The following PAX3 variants were observed in gnomAD, a reference collection of about 807,000 sequenced individuals.
PAX3 encodes the protein paired box 3.
A neutral mutation model predicts 51.6 loss-of-function variants in PAX3; 14 were observed. The observed-to-expected ratio is 0.27, with a 90% CI of 0.18 to 0.42. The LOEUF is 0.42. Among genes scored for constraint, PAX3 ranks in the 10% least tolerant of loss-of-function variants. PAX3 has a pLI of 1.00. For missense variants in PAX3, 540 were observed against 642.8 expected, an observed-to-expected ratio of 0.84 and a Z score of 1.73; for synonymous variants, 280 against 253.4, an observed-to-expected ratio of 1.11 and a Z score of -1.00.
intron 4 of PAX3, among the ~76,000 whole-genome samples, chr2:222,293,200 C>T (rs1198287301): frequency 1.3e-5 from 2 of 152,174 alleles, no homozygotes; most frequent in African/African-American, 2.4e-5. Context: ...ATGAGTGGGA[C>T]CCCTGGCCAC....
At chr2:222,265,136 G>T (rs1693997509) in intron 4 of PAX3, 1 of 152,162 alleles carries the variant, frequency 6.6e-6, no homozygotes, top group Admixed American at 6.5e-5. Flanking sequence ...CTGGAAAAGA[G>T]AGAATATATC....
intron 4 of PAX3, among the ~76,000 whole-genome samples, chr2:222,243,515 G>C (rs1467821757): frequency 1.3e-5 from 2 of 152,220 alleles, no homozygotes; most frequent in Non-Finnish European, 2.9e-5. Context: ...GCAAAAGAAA[G>C]TGTCAGTGTA....
In PAX3 at chr2:222,280,636, A is replaced by G. The variant is rs1045518578; in HGVS notation, c.586+13531T>C. ...GATGAGATGGTCATCCCACTTATCC[A>G]TTGGTTTTATGCTCAGGAATGCCCC... On this transcript the variant is annotated intron_variant, in intron 4 of 8. Transcript: ENST00000392070. 6.7e-4 allele frequency among the ~76,000 whole-genome samples: 102 copies of G among 152,270 alleles called. No individual in the cohort carries two copies. In the Middle Eastern group the frequency reaches 0.017, roughly 25 times the overall value.
chr2:222,293,447 T>C (rs1206507068), intron 4 of PAX3, among the ~76,000 whole-genome samples: 2 of 152,120 alleles, frequency 1.3e-5, no homozygotes, highest in Non-Finnish European at 2.9e-5. Context: ...ATTTTTTTTC[T>C]TAGTGCCGAC....
At chr2:222,291,303 G>C (rs941044152) in intron 4 of PAX3, among the ~76,000 whole-genome samples, 5 of 152,208 alleles carry the variant, frequency 3.3e-5, no homozygotes, top group Non-Finnish European at 7.3e-5. Context: ...GGCGGGGTTC[G>C]TGTTAGTGAA....
chr2:222,264,362 T>C (rs1451347376), intron 4 of PAX3: 1 of 152,208 alleles, frequency 6.6e-6, no homozygotes, highest in Admixed American at 6.5e-5. Context: ...AGAGATAAAA[T>C]GCAGATTGAT....
At chr2:222,253,421 G>A (rs1270600864) in intron 4 of PAX3, among the ~76,000 whole-genome samples, 1 of 152,150 alleles carries the variant, frequency 6.6e-6, no homozygotes, top group African/African-American at 2.4e-5. Context: ...GCATTTTAGA[G>A]TATGACTTAG....
intron 6 of PAX3, 93 bp downstream of exon 6, chr2:222,221,129 G>T: frequency 1.7e-6 from 2 of 1,160,620 alleles, no homozygotes; most frequent in Non-Finnish European, 2.6e-6. Context: ...ACAACATGGT[G>T]TCAGTACTGC....
chr2:222,249,617 T>A (rs1574689170), intron 4 of PAX3, among the ~76,000 whole-genome samples: 1 of 152,210 alleles, frequency 6.6e-6, no homozygotes. Context: ...CAAAACTAGC[T>A]TTCTTCTGCA....
chr2:222,263,673 T>C (rs868751022), intron 4 of PAX3: 1 of 152,214 alleles, frequency 6.6e-6, no homozygotes, highest in Non-Finnish European at 1.5e-5. Context: ...TAGACAAATG[T>C]TTATGGCAAT....
At chr2:222,281,999 G>A (rs529752037) in intron 4 of PAX3, among the ~76,000 whole-genome samples, 4 of 152,206 alleles carry the variant, frequency 2.6e-5, no homozygotes, top group South Asian at 2.1e-4. Flanking sequence ...TGCACATTCC[G>A]GGCCTGGCAG....
At chr2:222,269,049 G>T (rs1694156584) in intron 4 of PAX3, among the ~76,000 whole-genome samples, 1 of 152,170 alleles carries the variant, frequency 6.6e-6, no homozygotes. Context: ...AGATAATTAG[G>T]TAACACAGTG....
intron 4 of PAX3, among the ~76,000 whole-genome samples, chr2:222,270,289 AC>A (rs1277575481): frequency 2.6e-5 from 4 of 152,118 alleles, no homozygotes; most frequent in Non-Finnish European, 5.9e-5. Flanking sequence ...TACAAACTGA[AC>A]CGTTGGCCTC....
Position 222,277,657 on chromosome 2 carries a change from C to T in PAX3, c.586+16510G>A, listed in dbSNP as rs559291060. On this transcript the variant is annotated intron_variant, in intron 4 of 8. Coordinates refer to ENST00000392070, the MANE Select transcript of PAX3 (RefSeq NM_181458.4). Reference sequence around the variant, plus strand: ...ACTTTCTTAAAACATGAGTTTTGGCCGGTCGCAGTGGCTCACACCTGTAAC... The same window carrying T: ...ACTTTCTTAAAACATGAGTTTTGGCTGGTCGCAGTGGCTCACACCTGTAAC... Among the ~76,000 whole-genome samples, 23 of 152,202 alleles carry T rather than the reference C, an allele frequency of 1.5e-4. No homozygotes were observed. In the South Asian group the frequency reaches 1.7e-3, roughly 11 times the overall value.
intron 4 of PAX3, among the ~76,000 whole-genome samples, chr2:222,234,270 T>A: frequency 6.6e-6 from 1 of 152,256 alleles, no homozygotes; most frequent in East Asian, 1.9e-4. Flanking sequence ...GATTTTTCAA[T>A]TATCTAATTT....
In PAX3 at chr2:222,262,776, GAC is replaced by G. The variant is rs1162383178; in HGVS notation, c.587-30495_587-30494del. On this transcript the variant is annotated intron_variant, in intron 4 of 8. Transcript: ENST00000392070. ...ATCAAGACATTGTGGTATAAGGAAA[GAC>G]ACAGATATATATATGGAACAGAACA... is the stretch of plus-strand genomic sequence containing the variant. The G allele has an allele frequency of 5.3e-5, 8 of 152,172 alleles. No homozygotes were observed. In the South Asian group the frequency reaches 1.7e-3, roughly 32 times the overall value. 9.4% of individuals were successfully genotyped at this position (152,172 alleles called of 1,614,324 possible).
chr2:222,242,830 C>G (rs1437360720), intron 4 of PAX3: 1 of 152,176 alleles, frequency 6.6e-6, no homozygotes, highest in African/African-American at 2.4e-5. Context: ...ATTTACAGAA[C>G]TTTGAATAAG....
chr2:222,250,267 C>T (rs967305342), intron 4 of PAX3, among the ~76,000 whole-genome samples: 1 of 152,080 alleles, frequency 6.6e-6, no homozygotes, highest in African/African-American at 2.4e-5. Flanking sequence ...TACTTTTGTG[C>T]AATGGAAGTA....
chr2:222,213,521 G>A (rs980387587), intron 7 of PAX3, among the ~76,000 whole-genome samples: 2 of 152,142 alleles, frequency 1.3e-5, no homozygotes, highest in Non-Finnish European at 2.9e-5. Flanking sequence ...GGCTTCTGAA[G>A]CCCTGGCAAT....
Sources: allele counts gnomAD v4.1 joint callset (sites outside exome capture counted in the v4.1 genomes callset), GRCh38; gene constraint gnomAD v4.1.1; transcripts MANE v1.5; gene names NCBI Gene and HGNC (gene_info 2026-07-23, HGNC 2026-07-21).